The following SUCLG2 variants were observed in gnomAD, a reference collection of about 807,000 sequenced individuals.
The protein encoded by SUCLG2 is succinate--CoA ligase [GDP-forming] subunit beta, mitochondrial.
Under a neutral mutation model 47.9 loss-of-function variants are expected in SUCLG2, and 42 were observed. The observed-to-expected ratio is 0.88, with a 90% CI of 0.69 to 1.14. The LOEUF is 1.14. Among genes scored for constraint, SUCLG2 ranks in the 50% most tolerant of loss-of-function variants. SUCLG2 has a pLI of 0.00. For missense variants in SUCLG2, 571 were observed against 525.9 expected, an observed-to-expected ratio of 1.09 and a Z score of -0.84; for synonymous variants, 195 against 197.3, an observed-to-expected ratio of 0.99 and a Z score of 0.10.
chr3:67,449,254 T>A (rs972976756), intron 9 of SUCLG2, among the ~76,000 whole-genome samples: 2 of 152,168 alleles, frequency 1.3e-5, no homozygotes, highest in Non-Finnish European at 2.9e-5. Flanking sequence ...CAAAAGCAAG[T>A]AAAGAGTGCC....
chr3:67,492,059 A>G (rs1388137210), intron 9 of SUCLG2, among the ~76,000 whole-genome samples: 3 of 152,204 alleles, frequency 2.0e-5, no homozygotes, highest in Non-Finnish European at 4.4e-5. Context: ...GTGCTTAGGT[A>G]GCACATTTCT....
At chr3:67,401,054 C>A (rs1032880352) in intron 9 of SUCLG2, among the ~76,000 whole-genome samples, 2 of 152,008 alleles carry the variant, frequency 1.3e-5, no homozygotes, top group African/African-American at 4.8e-5. Flanking sequence ...CACAATATAA[C>A]ATTACCAAAT....
At chr3:67,641,956 T>C (rs1321305209) in intron 1 of SUCLG2, among the ~76,000 whole-genome samples, 2 of 152,230 alleles carry the variant, frequency 1.3e-5, no homozygotes, top group East Asian at 1.9e-4. Context: ...GCTTTCTCCC[T>C]GGGCGTGTGT....
At chr3:67,434,497 C>G (rs1460951226) in intron 9 of SUCLG2, among the ~76,000 whole-genome samples, 1 of 152,150 alleles carries the variant, frequency 6.6e-6, no homozygotes, top group African/African-American at 2.4e-5. Flanking sequence ...ACTTGTATTC[C>G]AGTCTGGTTC....
downstream of SUCLG2, among the ~76,000 whole-genome samples, chr3:67,371,403 T>G (rs1231750741): frequency 6.6e-6 from 1 of 152,204 alleles, no homozygotes; most frequent in East Asian, 1.9e-4. Flanking sequence ...ACACTAAATT[T>G]TCTCCTAATA....
chr3:67,632,289 T>G (rs1466205485), intron 1 of SUCLG2, among the ~76,000 whole-genome samples: 1 of 152,024 alleles, frequency 6.6e-6, no homozygotes, highest in Non-Finnish European at 1.5e-5. Context: ...TTCAAGCAAT[T>G]CTCGTGTCTC....
chr3:67,375,132 T>A lies in SUCLG2; in HGVS notation c.*612A>T, dbSNP rs1702010004. 2.0e-6 allele frequency: 2 copies of A among 985,470 alleles called. No homozygotes were observed. The highest frequency in any genetic ancestry group is 2.4e-6 in the Non-Finnish European group (2 of 829,690). 61.0% of individuals were successfully genotyped at this position (985,470 alleles called of 1,614,324 possible). A position where few individuals can be genotyped will look rare whatever the true frequency, so the allele number is the denominator to read the frequency against. On this transcript the variant is annotated 3_prime_UTR_variant, in exon 11 of 11. Coordinates refer to ENST00000307227, the MANE Select transcript of SUCLG2 (RefSeq NM_003848.4). ...AAGGCAAATGGTAAAAACACATGGATGGTATATTAATGCAGATATTCCATT... is the reference window on the plus strand; with the variant it reads ...AAGGCAAATGGTAAAAACACATGGAAGGTATATTAATGCAGATATTCCATT...
rs9853254 is a variant in SUCLG2, at chr3:67,442,902, T to C, written c.1063-42051A>G. ...CCTGAAATGTGCATCCCCTTCACAA[T>C]TGTAAGAGTCACACACATAAATAAT... On this transcript the variant is annotated intron_variant, in intron 9 of 10. Coordinates refer to ENST00000307227, the MANE Select transcript of SUCLG2 (RefSeq NM_003848.4). Among the ~76,000 whole-genome samples, 1,271 of 152,252 alleles carry C rather than the reference T, an allele frequency of 8.3e-3. 25 individuals are homozygous for C. Among genetic ancestry groups the C allele is most frequent in the African/African-American group, 0.029 (1,196 of 41,538 alleles).
chr3:67,394,516 A>T (rs1210559872), intron 10 of SUCLG2, among the ~76,000 whole-genome samples: 2 of 150,572 alleles, frequency 1.3e-5, no homozygotes, highest in East Asian at 3.9e-4. Context: ...GAAATATGGG[A>T]CTATGTGAAA....
At chr3:67,522,857 G>A (rs1464084519) in intron 4 of SUCLG2, among the ~76,000 whole-genome samples, 1 of 151,970 alleles carries the variant, frequency 6.6e-6, no homozygotes, top group East Asian at 1.9e-4. Context: ...AGTGGAGACG[G>A]GGTTTCACCA....
Position 67,549,603 on chromosome 3 carries a change from G to A in SUCLG2, c.227-20417C>T, listed in dbSNP as rs78806049. Among the ~76,000 whole-genome samples the A allele has an allele frequency of 2.6e-4, 40 of 152,174 alleles. 1 individual carries two copies. The East Asian group carries it at 5.0e-3, about 19-fold the overall frequency. On this transcript the variant is annotated intron_variant, in intron 2 of 10. Transcript: ENST00000307227. ...TCTTTATAGTTTTGTTATAATCTGCGTTCTTTACAATGACTATTTATAATG... is the reference window on the plus strand; with the variant it reads ...TCTTTATAGTTTTGTTATAATCTGCATTCTTTACAATGACTATTTATAATG...
intron 1 of SUCLG2, among the ~76,000 whole-genome samples, chr3:67,640,291 A>C (rs1460130915): frequency 7.2e-5 from 11 of 152,206 alleles, no homozygotes; most frequent in Admixed American, 7.2e-4. Flanking sequence ...GCCATTTTGC[A>C]AAGTTAAGCA....
At chr3:67,501,550 G>A (rs1375369083) in intron 7 of SUCLG2, among the ~76,000 whole-genome samples, 1 of 151,878 alleles carries the variant, frequency 6.6e-6, no homozygotes, top group Admixed American at 6.6e-5. Context: ...TAATCCCTTG[G>A]GATTTTCTGG....
intron 10 of SUCLG2, among the ~76,000 whole-genome samples, chr3:67,386,580 G>A (rs991597850): frequency 1.3e-5 from 2 of 152,184 alleles, no homozygotes; most frequent in Non-Finnish European, 2.9e-5. Context: ...AGCAAGGGAC[G>A]TCTTACATGG....
At chr3:67,368,495 T>C (rs913993153) in intron 10 of SUCLG2, among the ~76,000 whole-genome samples, 31 of 152,260 alleles carry the variant, frequency 2.0e-4, no homozygotes, top group African/African-American at 7.2e-4. Context: ...TATGTATTAT[T>C]GTCTCCTAGT....
chr3:67,624,564 T>G (rs1389333103), intron 1 of SUCLG2, among the ~76,000 whole-genome samples: 1 of 152,190 alleles, frequency 6.6e-6, no homozygotes, highest in East Asian at 1.9e-4. Context: ...CCCTCCCCAA[T>G]ATTCCACATA....
At chr3:67,532,502 G>A (rs897580199) in intron 2 of SUCLG2, among the ~76,000 whole-genome samples, 1 of 152,126 alleles carries the variant, frequency 6.6e-6, no homozygotes, top group Non-Finnish European at 1.5e-5. Flanking sequence ...ACTTGGGTCT[G>A]GATAACTCCA....
chr3:67,580,672 C>T (rs1707858454), intron 2 of SUCLG2, among the ~76,000 whole-genome samples: 2 of 152,082 alleles, frequency 1.3e-5, no homozygotes, highest in Admixed American at 6.6e-5. Flanking sequence ...AGGGTGCGAA[C>T]GTTACCTATG....
At chr3:67,615,436 C>T (rs1271185687) in intron 1 of SUCLG2, among the ~76,000 whole-genome samples, 7 of 152,264 alleles carry the variant, frequency 4.6e-5, no homozygotes, top group South Asian at 2.1e-4. Context: ...TGGCTCTGCA[C>T]TTGCTCCAGC....
Sources: allele counts gnomAD v4.1 joint callset (sites outside exome capture counted in the v4.1 genomes callset), GRCh38; gene constraint gnomAD v4.1.1; transcripts MANE v1.5; gene names NCBI Gene and HGNC (gene_info 2026-07-23, HGNC 2026-07-21).